Variants in PRR5 observed in about 807,000 individuals in gnomAD.
PRR5 encodes proline rich 5.
PRR5 carries 25 observed loss-of-function variants against 30.6 expected under a neutral mutation model. That is an observed-to-expected ratio of 0.82 (90% CI 0.60 to 1.14). The LOEUF is 1.14. Ranked by LOEUF, PRR5 falls within the 50% of genes most tolerant of loss-of-function variation. The pLI, the probability that PRR5 is intolerant of heterozygous loss-of-function variation, is 0.00. For missense variants in PRR5, 600 were observed against 547.1 expected (o/e 1.10, Z -0.96); for synonymous variants, 286 against 247.1 (o/e 1.16, Z -1.48).
chr22:44,679,254 A>G (rs927489483), intron 1 of PRR5: 1 of 152,696 alleles, frequency 6.5e-6, no homozygotes, highest in East Asian at 1.9e-4. Context: ...AGACAGAAAA[A>G]AGACCTAAAT....
At chr22:44,681,153 A>T (rs1016179072) in intron 1 of PRR5, among the ~76,000 whole-genome samples, 3 of 152,104 alleles carry the variant, frequency 2.0e-5, no homozygotes, top group Non-Finnish European at 2.9e-5. Context: ...GGCTCAAATG[A>T]CACCAGCCCA....
At chr22:44,708,486 A>T (rs6006849) in intron 1 of PRR5, among the ~76,000 whole-genome samples, 15 of 151,852 alleles carry the variant, frequency 9.9e-5, no homozygotes, top group Admixed American at 2.0e-4. Context: ...GGCTGTGACC[A>T]CTCCAGCCAC....
intron 2 of PRR5, among the ~76,000 whole-genome samples, chr22:44,715,282 C>G (rs1928889166): frequency 6.6e-6 from 1 of 152,202 alleles, no homozygotes; most frequent in Admixed American, 6.5e-5. Flanking sequence ...CCAGATCACA[C>G]AGCTGCTCCA....
chr22:44,692,309 G>GCTC (rs1032810249), intron 1 of PRR5, among the ~76,000 whole-genome samples: 1 of 119,156 alleles, frequency 8.4e-6, no homozygotes, highest in Non-Finnish European at 1.7e-5. Flanking sequence ...CCCTCTCGGT[G>GCTC]CTCCTCCTCC....
At chr22:44,735,251 C>G in intron 7 of PRR5, 89 bp downstream of exon 7, 1 of 1,426,434 alleles carries the variant, frequency 7.0e-7, no homozygotes. Flanking sequence ...GGCCCCACGA[C>G]AGAACCAGGA....
intron 1 of PRR5, among the ~76,000 whole-genome samples, chr22:44,669,849 T>C (rs950658926): frequency 6.6e-6 from 1 of 152,090 alleles, no homozygotes; most frequent in Non-Finnish European, 1.5e-5. Context: ...TCCCATTCCC[T>C]GGACTGGATC....
intron 1 of PRR5, among the ~76,000 whole-genome samples, chr22:44,709,868 A>G (rs1478980903): frequency 6.6e-6 from 1 of 152,172 alleles, no homozygotes; most frequent in East Asian, 1.9e-4. Flanking sequence ...ACAAACAGAG[A>G]AAAAGAACTT....
chr22:44,702,688 C>T (rs892416004), intron 1 of PRR5, 80 bp downstream of exon 1: 13 of 1,229,236 alleles, frequency 1.1e-5, no homozygotes, highest in Non-Finnish European at 1.3e-5. Flanking sequence ...GGCTAGGGGC[C>T]GCCCCGAGCC....
rs117760722 is a variant in PRR5 at position 44,685,993 on chromosome 22, G to A, written c.-11+8753G>A. On this transcript the variant is annotated intron_variant, in intron 1 of 8. Transcript: ENST00000006251. ...ATTGGGGCCCGGCATGGTGGCTCAC[G>A]TCTGTAATCCCAGCACTCTGGGAGG... 4.0e-3 allele frequency among the ~76,000 whole-genome samples: 607 copies of A among 152,170 alleles called. 15 individuals carry two copies. The highest frequency in any genetic ancestry group is 0.036 in the East Asian group (186 of 5,126).
At chr22:44,705,349 G>A (rs190945030) in intron 1 of PRR5, among the ~76,000 whole-genome samples, 3 of 152,086 alleles carry the variant, frequency 2.0e-5, no homozygotes, top group East Asian at 1.9e-4. Context: ...TTCTTGAGAC[G>A]GAGTTTCACT....
rs781344951 is a variant in PRR5 at position 44,737,584 on chromosome 22, G to C, written c.*337G>C. The C allele has an allele frequency of 3.5e-6, 1 of 285,452 alleles. No homozygotes were observed. 17.7% of individuals were successfully genotyped at this position (285,452 alleles called of 1,614,324 possible). On this transcript the variant is annotated 3_prime_UTR_variant, in exon 8 of 8. Coordinates refer to ENST00000336985, the MANE Select transcript of PRR5 (RefSeq NM_181333.4). ...TGTAAACCCAGTGGGCTCTGCCCAC[G>C]CCGGGCCCCAAAGTGACCAGACTCC... is the stretch of plus-strand genomic sequence containing the variant.
At chr22:44,681,361 G>A (rs567912022) in intron 1 of PRR5, among the ~76,000 whole-genome samples, 3 of 152,242 alleles carry the variant, frequency 2.0e-5, no homozygotes, top group Admixed American at 6.5e-5. Flanking sequence ...AGGCCGAGGC[G>A]GGCAGATCAT....
At chr22:44,707,214 A>T (rs1035362979) in intron 1 of PRR5, among the ~76,000 whole-genome samples, 8 of 152,098 alleles carry the variant, frequency 5.3e-5, no homozygotes, top group African/African-American at 1.7e-4. Flanking sequence ...GCTTCCAGCT[A>T]TGAAGGCCGT....
chr22:44,677,583 T>G (rs1923878008), intron 1 of PRR5, among the ~76,000 whole-genome samples: 1 of 152,206 alleles, frequency 6.6e-6, no homozygotes, highest in Admixed American at 6.5e-5. Flanking sequence ...ATTCTTTTGT[T>G]CACTCATTCA....
intron 3 of PRR5, 58 bp downstream of exon 3, chr22:44,725,350 CAG>C: frequency 1.9e-6 from 3 of 1,606,190 alleles, no homozygotes; most frequent in Non-Finnish European, 2.5e-6. Flanking sequence ...CCAGAAAGCA[CAG>C]GGGCTCACCT....
At chr22:44,682,389 A>G (rs965846689) in intron 1 of PRR5, among the ~76,000 whole-genome samples, 2 of 152,234 alleles carry the variant, frequency 1.3e-5, no homozygotes, top group Non-Finnish European at 2.9e-5. Context: ...GGCCCCAGCC[A>G]GAGCTCTTCA....
chr22:44,725,354 G>GGCTC, intron 3 of PRR5, 62 bp downstream of exon 3: 1 of 1,604,594 alleles, frequency 6.2e-7, no homozygotes, highest in South Asian at 1.1e-5. Context: ...AAAGCACAGG[G>GGCTC]GCTCACCTGC....
intron 1 of PRR5, chr22:44,679,712 A>C: frequency 8.4e-7 from 1 of 1,194,194 alleles, no homozygotes; most frequent in Non-Finnish European, 1.2e-6. Flanking sequence ...ATCTCAAAAT[A>C]ATAATAATAA....
In PRR5 at chr22:44,735,426, T is replaced by G. The variant is rs190838848; in HGVS notation, c.691+264T>G. On this transcript the variant is annotated intron_variant, in intron 7 of 7. Transcript: ENST00000336985. The stretch of plus-strand genomic sequence containing the variant: ...TGTTCCCCAGGAGGCCACATTCATG[T>G]GCAGTCTTGAAAGTCAGAAGTGGGC... Among the ~76,000 whole-genome samples the G allele has an allele frequency of 4.1e-4, 62 of 152,324 alleles. 1 individual carries two copies. The East Asian group carries it at 0.012, about 29-fold the overall frequency.
Sources: gnomAD v4.1 joint callset for allele counts (sites outside exome capture counted in the v4.1 genomes callset) on GRCh38, gnomAD v4.1.1 for gene constraint, MANE v1.5 for transcripts, NCBI Gene and HGNC (gene_info 2026-07-23, HGNC 2026-07-21) for gene names.